Variants in PPP2R3B observed in about 807,000 individuals in gnomAD.
PPP2R3B encodes the protein serine/threonine-protein phosphatase 2A regulatory subunit B'' subunit beta.
A neutral mutation model predicts 72.9 loss-of-function variants in PPP2R3B; 68 were observed. The observed-to-expected ratio is 0.93, with a 90% CI of 0.77 to 1.14. The LOEUF is 1.14. PPP2R3B is among the 50% of genes most tolerant of loss of function. The probability of loss-of-function intolerance (pLI) is 0.00; values close to 1 mark genes in which losing one functional copy is unlikely to be tolerated. For synonymous variants in PPP2R3B, 466 were observed against 375.8 expected, an observed-to-expected ratio of 1.24 and a Z score of -2.78; for missense variants, 1,018 against 842.0, an observed-to-expected ratio of 1.21 and a Z score of -2.59.
chrX:346,033 C>T (rs1411494923), intron 6 of PPP2R3B, 141 bp downstream of exon 6: 20 of 531,392 alleles, frequency 3.8e-5, no homozygotes, highest in Non-Finnish European at 5.9e-5. Context: ...GGGCTGGGAG[C>T]GCGGTGGAGG....
At position 340,449 on chromosome X, in the gene PPP2R3B, TCCCC is replaced by T. The variant is rs900090000; in HGVS notation, c.1351+312_1351+315del. On this transcript the variant is annotated intron_variant, in intron 10 of 12. Transcript: ENST00000390665. ...AGGGACGTCCCCTCACCCTGGTCCG[TCCCC>T]CCTCCCGTCTGTCCCCTCACCCTGG... Among the ~76,000 whole-genome samples the T allele has an allele frequency of 1.8e-4, 23 of 126,842 alleles. 1 individual carries two copies. The highest frequency in any genetic ancestry group is 4.2e-3 in the Middle Eastern group (1 of 240). 83.2% of individuals were successfully genotyped at this position (126,842 alleles called of 152,430 possible). A position where few individuals can be genotyped will look rare whatever the true frequency, so the allele number is the denominator to read the frequency against.
At chrX:382,069 G>GT (rs2072138387) in intron 1 of PPP2R3B, among the ~76,000 whole-genome samples, 1 of 152,070 alleles carries the variant, frequency 6.6e-6, no homozygotes, top group Non-Finnish European at 1.5e-5. Flanking sequence ...CATCTCCTAA[G>GT]TGCAGAATCC....
rs980028305 is a variant in PPP2R3B at position 383,576 on chromosome X, A to T, written c.324+2792T>A. Reference sequence around the variant, plus strand: ...GCTGTCGGCGGGCACGGTGGCTCACACCTGTAATCCCAAAACTTTGGGAGG... The same window carrying T: ...GCTGTCGGCGGGCACGGTGGCTCACTCCTGTAATCCCAAAACTTTGGGAGG... On this transcript the variant is annotated intron_variant, in intron 1 of 12. Transcript: ENST00000390665. Among the ~76,000 whole-genome samples the T allele has an allele frequency of 1.4e-4, 21 of 152,200 alleles. 1 individual carries two copies. The highest frequency in any genetic ancestry group is 5.1e-4 in the African/African-American group (21 of 41,540).
chrX:371,333 G>C (rs924137668), intron 1 of PPP2R3B, among the ~76,000 whole-genome samples: 2 of 152,114 alleles, frequency 1.3e-5, no homozygotes, highest in South Asian at 4.1e-4. Flanking sequence ...CCGGACCCAC[G>C]GCGTGAACGC....
chrX:377,682 G>A (rs1231370629), intron 1 of PPP2R3B, among the ~76,000 whole-genome samples: 20 of 116,078 alleles, frequency 1.7e-4, no homozygotes, highest in South Asian at 9.2e-4. Flanking sequence ...CAGTGGGGCC[G>A]CCATGGGGCT....
intron 6 of PPP2R3B, 117 bp downstream of exon 6, chrX:346,050 TGGGGGTG>T: frequency 2.5e-6 from 1 of 392,720 alleles, no homozygotes; most frequent in Non-Finnish European, 4.5e-6. Context: ...GAGGTGGGGG[TGGGGGTG>T]GGGGTGGGAG....
At chrX:338,526 C>CCTCCCACTCACCCGTT in intron 12 of PPP2R3B, 78 bp downstream of exon 12, 1 of 416,938 alleles carries the variant, frequency 2.4e-6, no homozygotes, top group South Asian at 5.4e-5. Flanking sequence ...ACACACCCGT[C>CCTCCCACTCACCCGTT]CTCCCACTCA....
At position 384,157 on chromosome X, in the gene PPP2R3B, G is replaced by C. The variant is rs536486885; in HGVS notation, c.324+2211C>G. ...AAATGTCCTTTTAGGTTATTCACTA[G>C]AGACCTCTGCAGAAACTCGTTTTTG... On this transcript the variant is annotated intron_variant, in intron 1 of 12. Transcript: ENST00000390665. Among the ~76,000 whole-genome samples, 6 of 152,152 alleles carry C rather than the reference G, an allele frequency of 3.9e-5. 1 individual carries two copies. The highest frequency in any genetic ancestry group is 2.0e-4 in the Admixed American group (3 of 15,272).
intron 1 of PPP2R3B, among the ~76,000 whole-genome samples, chrX:383,034 T>C (rs928135382): frequency 1.3e-5 from 2 of 152,124 alleles, no homozygotes; most frequent in Admixed American, 1.3e-4. Flanking sequence ...ACTGGGAAAG[T>C]GCACTGGGCC....
At chrX:350,793 G>A (rs1299129351) in intron 2 of PPP2R3B, among the ~76,000 whole-genome samples, 2 of 152,352 alleles carry the variant, frequency 1.3e-5, no homozygotes, top group East Asian at 3.9e-4. Flanking sequence ...GGCCCACGGG[G>A]CGGCTGAGCG....
chrX:364,253 A>T (rs780163502), intron 1 of PPP2R3B, among the ~76,000 whole-genome samples: 1 of 152,352 alleles, frequency 6.6e-6, no homozygotes, highest in South Asian at 2.1e-4. Flanking sequence ...GAATGAAAGT[A>T]GCAGCCTTCA....
chrX:349,650 C>T (rs1247675065), intron 2 of PPP2R3B, among the ~76,000 whole-genome samples: 1 of 152,228 alleles, frequency 6.6e-6, no homozygotes, highest in Non-Finnish European at 1.5e-5. Flanking sequence ...TAAGTATCTT[C>T]AGCAAAGTTG....
intron 2 of PPP2R3B, among the ~76,000 whole-genome samples, chrX:360,470 G>T (rs1458159652): frequency 6.6e-6 from 1 of 152,142 alleles, no homozygotes; most frequent in African/African-American, 2.4e-5. Context: ...GAAGGTGGAG[G>T]TTGCAGTGAG....
At chrX:344,320 C>A (rs2071148645) in intron 7 of PPP2R3B, among the ~76,000 whole-genome samples, 1 of 151,578 alleles carries the variant, frequency 6.6e-6, no homozygotes, top group Non-Finnish European at 1.5e-5. Context: ...CAACGGGAGG[C>A]GGGAGGGAGA....
chrX:336,404 G>T (rs565937387), intron 12 of PPP2R3B: 1 of 152,122 alleles, frequency 6.6e-6, no homozygotes, highest in Non-Finnish European at 1.5e-5. Context: ...CCTCGCCAAT[G>T]AGCGTGCTTA....
intron 5 of PPP2R3B, 161 bp downstream of exon 5, chrX:346,540 G>T: frequency 1.4e-6 from 1 of 707,878 alleles, no homozygotes. Context: ...CCAACACCGG[G>T]CTCCCGGGCG....
At chrX:373,765 G>A (rs2071924363) in intron 1 of PPP2R3B, 1 of 149,470 alleles carries the variant, frequency 6.7e-6, no homozygotes, top group Non-Finnish European at 1.5e-5. Context: ...GGCTCAGCGC[G>A]CTCCATGCGT....
chrX:386,882 C>G lies in PPP2R3B; in HGVS notation c.-191G>C. ...CGGGGACCGAGGAGGGGGCGCGGTC[C>G]GGCCCGCGCTGCTCAGGGCAGCTTC... On this transcript the variant is annotated 5_prime_UTR_variant, in exon 1 of 13. Coordinates refer to ENST00000390665, the MANE Select transcript of PPP2R3B (RefSeq NM_013239.5). 5.0e-6 allele frequency: 1 copy of G among 199,130 alleles called. No individual in the cohort carries two copies. The highest frequency in any genetic ancestry group is 6.0e-5 in the Admixed American group (1 of 16,658). 12.3% of individuals were successfully genotyped at this position (199,130 alleles called of 1,614,324 possible).
chrX:379,052 T>C (rs1333607428), intron 1 of PPP2R3B, among the ~76,000 whole-genome samples: 1 of 145,678 alleles, frequency 6.9e-6, no homozygotes, highest in African/African-American at 2.7e-5. Flanking sequence ...TGCACCTGTG[T>C]GTTTGTGTGT....
Sources: gnomAD v4.1 joint callset for allele counts (sites outside exome capture counted in the v4.1 genomes callset) on GRCh38, gnomAD v4.1.1 for gene constraint, MANE v1.5 for transcripts, NCBI Gene and HGNC (gene_info 2026-07-23, HGNC 2026-07-21) for gene names.